CEP350: variants seen among roughly 807,000 people sequenced by gnomAD.
CEP350 encodes centrosomal protein 350, also known as centrosome-associated protein 350.
In CEP350, 126 loss-of-function variants were observed where a neutral mutation model predicts 331.8. The observed-to-expected ratio is 0.38, with a 90% CI of 0.33 to 0.44. CEP350 has a LOEUF of 0.44. CEP350 is among the 20% of genes least tolerant of loss of function. CEP350 has a pLI of 1.00. For missense variants in CEP350, 3,406 were observed against 3,634.6 expected (o/e 0.94, Z 1.62); for synonymous variants, 1,200 against 1,259.5 (o/e 0.95, Z 1.00).
chr1:180,057,208 C>T (rs1455144919), intron 25 of CEP350, among the ~76,000 whole-genome samples: 2 of 151,668 alleles, frequency 1.3e-5, no homozygotes, highest in Non-Finnish European at 2.9e-5. Flanking sequence ...AAGTGATTCT[C>T]CTGCCTCAGC....
rs1660283920 is a variant in CEP350, at chr1:180,092,936, A to G, written c.6831A>G (p.Lys2277=). ...KKSKIEDAFS[K]EGKSDVLLKL... ...GTAAGATTGAAGATGCCTTTTCTAAAGAAGGTAAATCTGATGTCTTACTGA... is the reference window on the plus strand; with the variant it reads ...GTAAGATTGAAGATGCCTTTTCTAAGGAAGGTAAATCTGATGTCTTACTGA... Residue 2277 remains lysine (K), a synonymous_variant, in exon 34 of 38, where the codon AAA becomes AAG. Coordinates refer to ENST00000367607, the MANE Select transcript of CEP350 (RefSeq NM_014810.5). The G allele has an allele frequency of 3.8e-6, 6 of 1,588,708 alleles. No homozygotes were observed. Among genetic ancestry groups the G allele is most frequent in the Non-Finnish European group, 5.1e-6 (6 of 1,165,706 alleles).
intron 26 of CEP350, among the ~76,000 whole-genome samples, chr1:180,062,893 A>C (rs1461550954): frequency 2.0e-5 from 3 of 152,216 alleles, no homozygotes; most frequent in Non-Finnish European, 1.5e-5. Context: ...CAAACATTCA[A>C]ACCGTAGCAA....
At chr1:180,006,241 T>C (rs1654245045) in intron 7 of CEP350, among the ~76,000 whole-genome samples, 1 of 152,130 alleles carries the variant, frequency 6.6e-6, no homozygotes, top group Non-Finnish European at 1.5e-5. Context: ...AACCCAATAC[T>C]GGAGTGGTGG....
At chr1:180,066,944 T>A (rs79362712) in intron 27 of CEP350, among the ~76,000 whole-genome samples, 171 of 152,306 alleles carry the variant, frequency 1.1e-3, no homozygotes, top group African/African-American at 3.7e-3. Flanking sequence ...CAGGGTGATT[T>A]CTTCATTGAT....
At chr1:180,016,314 T>G (rs1189005782) in intron 11 of CEP350, among the ~76,000 whole-genome samples, 1 of 152,222 alleles carries the variant, frequency 6.6e-6, no homozygotes, top group Admixed American at 6.5e-5. Context: ...GGTTTTTGTG[T>G]CTACTGCTAT....
rs572223406 is a variant in CEP350, at chr1:180,040,997, A to G, written c.4111-141A>G. The G allele has an allele frequency of 1.8e-4, 110 of 613,816 alleles. 2 individuals carry two copies. The highest frequency in any genetic ancestry group is 1.8e-3 in the South Asian group (85 of 47,482). 38.0% of individuals were successfully genotyped at this position (613,816 alleles called of 1,614,324 possible). A position where few individuals can be genotyped will look rare whatever the true frequency, so the allele number is the denominator to read the frequency against. Reference sequence around the variant, plus strand: ...GATAAATGGTAAGTGGCTGTTGACTATTATTTTTACTATCTTTCCTTTTGG... The same window carrying G: ...GATAAATGGTAAGTGGCTGTTGACTGTTATTTTTACTATCTTTCCTTTTGG... On this transcript the variant is annotated intron_variant, in intron 17 of 37. Transcript: ENST00000367607.
chr1:180,020,437 T>G lies in CEP350; in HGVS notation c.2663T>G (p.Val888Gly). 6.2e-7 allele frequency: 1 copy of G among 1,613,952 alleles called. No individual in the cohort carries two copies. The highest frequency in any genetic ancestry group is 8.5e-7 in the Non-Finnish European group (1 of 1,179,888). ...TPPVKDDNED[V>G]FSARIQKMLG... ...CCTGTGAAAGATGATAATGAAGATG[T>G]TTTCTCTGCCAGAATTCAGAAGATG... is the stretch of plus-strand genomic sequence containing the variant. Residue 888 changes from valine to glycine, a missense_variant, in exon 12 of 38, where the codon GTT becomes GGT. Around this residue, in one of 5 missense-constraint regions of CEP350, gnomAD observed 1,857 missense variants for 1,909.2 expected, o/e 0.97. Coordinates refer to ENST00000367607, the MANE Select transcript of CEP350 (RefSeq NM_014810.5).
chr1:180,084,600 G>A (rs1659751073), intron 31 of CEP350, among the ~76,000 whole-genome samples: 2 of 152,132 alleles, frequency 1.3e-5, no homozygotes, highest in African/African-American at 2.4e-5. Context: ...TCCTGACCTC[G>A]TGATCCCCCT....
At position 180,094,625 on chromosome 1, in the gene CEP350, T is replaced by G. The variant is rs1449947950; in HGVS notation, c.8511+9T>G. 1 of 1,603,794 alleles carries G rather than the reference T, an allele frequency of 6.2e-7. No homozygotes were observed. Among genetic ancestry groups the G allele is most frequent in the Admixed American group, 1.7e-5 (1 of 57,392 alleles). ...ATATGTGTCCCAGACCGGTGAGTAT[T>G]TCGTCTAGAAAAAGTATCAGTATAC... On this transcript the variant is annotated intron_variant, in intron 34 of 37. Coordinates refer to ENST00000367607, the MANE Select transcript of CEP350 (RefSeq NM_014810.5).
At chr1:180,086,540 CAT>C (rs35457934) in intron 31 of CEP350, among the ~76,000 whole-genome samples, 32,911 of 149,542 alleles carry the variant, frequency 0.22, 3,864 homozygotes, top group Middle Eastern at 0.38. Flanking sequence ...ATGAGATATG[CAT>C]ATATATATAT....
intron 21 of CEP350, among the ~76,000 whole-genome samples, chr1:180,046,181 T>C (rs2148938450): frequency 6.6e-6 from 1 of 152,328 alleles, no homozygotes; most frequent in East Asian, 1.9e-4. Flanking sequence ...CTAGAAGCTC[T>C]TTGAGGGCTT....
At chr1:180,066,785 T>C (rs1658570318) in intron 27 of CEP350, among the ~76,000 whole-genome samples, 2 of 152,228 alleles carry the variant, frequency 1.3e-5, no homozygotes, top group South Asian at 4.1e-4. Flanking sequence ...TGATAAAATT[T>C]TCCAGTAGCC....
intron 1 of CEP350, among the ~76,000 whole-genome samples, chr1:179,955,403 C>T (rs1017634503): frequency 1.3e-5 from 2 of 152,212 alleles, no homozygotes; most frequent in African/African-American, 4.8e-5. Flanking sequence ...CTCCACCCCT[C>T]CTCTAGCCTG....
chr1:180,037,934 C>G (rs1656483403), intron 17 of CEP350, among the ~76,000 whole-genome samples: 1 of 152,184 alleles, frequency 6.6e-6, no homozygotes, highest in Non-Finnish European at 1.5e-5. Context: ...CAGGTGTGAG[C>G]CACCGCGCCT....
At chr1:180,099,427 T>C (rs1660666371) in intron 37 of CEP350, among the ~76,000 whole-genome samples, 1 of 152,204 alleles carries the variant, frequency 6.6e-6, no homozygotes, top group Non-Finnish European at 1.5e-5. Flanking sequence ...GCACTTAGAA[T>C]AGTTCCTCAT....
chr1:180,010,404 CT>C (rs60408983), intron 8 of CEP350, among the ~76,000 whole-genome samples: 81,020 of 119,772 alleles, frequency 0.68, 27,830 homozygotes, highest in Non-Finnish European at 0.78. Flanking sequence ...CCCATGTTTG[CT>C]TTTTTTTTTT....
intron 32 of CEP350, among the ~76,000 whole-genome samples, chr1:180,089,439 T>C (rs1660043627): frequency 6.6e-6 from 1 of 151,890 alleles, no homozygotes; most frequent in African/African-American, 2.4e-5. Flanking sequence ...AAAAATTAGC[T>C]GGGCATGGTG....
chr1:180,052,119 ATATTACCTAGCTC>A, intron 22 of CEP350: 1 of 425,352 alleles, frequency 2.4e-6, no homozygotes, highest in South Asian at 1.7e-5. Context: ...ATACATCCAT[ATATTACCTAGCTC>A]TGTCCACTGA....
rs11452389 is a variant in CEP350, at chr1:180,113,568, C to CA, written c.*2416dup. On this transcript the variant is annotated 3_prime_UTR_variant, in exon 38 of 38. Transcript: ENST00000367607. ...GAAATGGTTATCTGTAGTTTGGTAG[C>CA]AAAAAAAAAGAAAAAAGAATCCATA... 84,999 of 149,324 alleles carry CA rather than the reference C, an allele frequency of 0.57. 25,756 individuals are homozygous for CA. The highest frequency in any genetic ancestry group is 0.72 in the East Asian group (3,673 of 5,130). 9.2% of individuals were successfully genotyped at this position (149,324 alleles called of 1,614,324 possible).
Sources: gnomAD v4.1 joint callset for allele counts (sites outside exome capture counted in the v4.1 genomes callset) on GRCh38, gnomAD v4.1.1 for gene constraint, gnomAD v4.1.1 regional missense constraint, MANE v1.5 for transcripts, NCBI Gene and HGNC (gene_info 2026-07-23, HGNC 2026-07-21) for gene names.